The following FHIT variants were observed in gnomAD, a reference collection of about 807,000 sequenced individuals.
The protein encoded by FHIT is fragile histidine triad diadenosine triphosphatase.
In FHIT, 19 loss-of-function variants were observed where a neutral mutation model predicts 17.9. The ratio of observed to expected loss-of-function variants is 1.06; its 90% CI spans 0.74 to 1.56. FHIT has a LOEUF of 1.56. FHIT is among the 40% of genes most tolerant of loss of function. The probability of loss-of-function intolerance (pLI) is 0.00; values close to 1 mark genes in which losing one functional copy is unlikely to be tolerated. For synonymous variants in FHIT, 81 were observed against 69.7 expected (o/e 1.16, Z -0.81); for missense variants, 248 against 189.2 (o/e 1.31, Z -1.82).
At chr3:60,280,590 G>C (rs1412344093) in intron 5 of FHIT, among the ~76,000 whole-genome samples, 3 of 152,076 alleles carry the variant, frequency 2.0e-5, no homozygotes, top group African/African-American at 7.2e-5. Flanking sequence ...ACAACCCAAA[G>C]AATATATGGA....
chr3:60,366,331 G>T (rs560288036), intron 5 of FHIT, among the ~76,000 whole-genome samples: 8 of 152,044 alleles, frequency 5.3e-5, no homozygotes, highest in Admixed American at 4.6e-4. Flanking sequence ...CACCATGTTG[G>T]CCAGGCTGCT....
chr3:60,907,232 T>C (rs1706473970), intron 3 of FHIT, among the ~76,000 whole-genome samples: 1 of 152,172 alleles, frequency 6.6e-6, no homozygotes. Flanking sequence ...ATTATATGAC[T>C]CTGCTGTGAT....
intron 3 of FHIT, among the ~76,000 whole-genome samples, chr3:61,011,901 T>C (rs2107624736): frequency 1.3e-5 from 2 of 152,298 alleles, no homozygotes. Context: ...AGAAGTGAAA[T>C]GACAGGCATG....
At chr3:60,406,573 A>G (rs1701866626) in intron 5 of FHIT, among the ~76,000 whole-genome samples, 1 of 151,948 alleles carries the variant, frequency 6.6e-6, no homozygotes, top group Non-Finnish European at 1.5e-5. Flanking sequence ...TGTTTTGTGG[A>G]TCAAGTTAAT....
chr3:61,042,992 C>T (rs2033596293), intron 2 of FHIT, among the ~76,000 whole-genome samples: 1 of 152,126 alleles, frequency 6.6e-6, no homozygotes, highest in Non-Finnish European at 1.5e-5. Flanking sequence ...GGGAGAGGTT[C>T]CAAGATGGCC....
chr3:60,937,066 C>A (rs1708222937), intron 3 of FHIT, among the ~76,000 whole-genome samples: 1 of 152,160 alleles, frequency 6.6e-6, no homozygotes, highest in Non-Finnish European at 1.5e-5. Context: ...ATTCTGTAAG[C>A]AGGTTAGATG....
intron 5 of FHIT, among the ~76,000 whole-genome samples, chr3:60,257,265 T>C (rs982557481): frequency 1.3e-5 from 2 of 152,188 alleles, no homozygotes; most frequent in Non-Finnish European, 2.9e-5. Flanking sequence ...CATGTTTAGC[T>C]CCTAACAGAT....
chr3:60,309,105 C>T (rs1346728875), intron 5 of FHIT, among the ~76,000 whole-genome samples: 1 of 152,068 alleles, frequency 6.6e-6, no homozygotes, highest in South Asian at 2.1e-4. Context: ...TAAGTGATTG[C>T]TCTGTAGTTC....
intron 3 of FHIT, among the ~76,000 whole-genome samples, chr3:60,908,432 C>G (rs1198206977): frequency 2.0e-5 from 3 of 152,120 alleles, no homozygotes; most frequent in Admixed American, 6.5e-5. Context: ...ACCCCTGACA[C>G]AGTAGAAATT....
In FHIT at chr3:60,788,676, A is replaced by G. The variant is rs187753294; in HGVS notation, c.-18+33243T>C. Among the ~76,000 whole-genome samples, 14 of 152,248 alleles carry G rather than the reference A, an allele frequency of 9.2e-5. No homozygotes were observed. The East Asian group carries it at 2.5e-3, about 27-fold the overall frequency. On this transcript the variant is annotated intron_variant, in intron 4 of 9. Transcript: ENST00000492590. ...GAGACAGGGTGTTGACATTCACAGT[A>G]TAGCCTAAGTGAATATTCCTACTCC... is the stretch of plus-strand genomic sequence containing the variant.
chr3:60,496,791 G>A (rs2034317904), intron 5 of FHIT, among the ~76,000 whole-genome samples: 1 of 151,958 alleles, frequency 6.6e-6, no homozygotes, highest in Non-Finnish European at 1.5e-5. Flanking sequence ...CAATACAGGA[G>A]GTAAAAATGA....
At chr3:60,360,164 G>A (rs1486818999) in intron 5 of FHIT, among the ~76,000 whole-genome samples, 2 of 151,740 alleles carry the variant, frequency 1.3e-5, no homozygotes, top group African/African-American at 4.8e-5. Flanking sequence ...TAATATTTAT[G>A]ACCACAACTT....
chr3:60,957,399 G>GT (rs749634816), intron 3 of FHIT, among the ~76,000 whole-genome samples: 5 of 151,850 alleles, frequency 3.3e-5, no homozygotes, highest in Non-Finnish European at 7.4e-5. Context: ...CACCACACCT[G>GT]GCTAATTTAT....
At chr3:59,816,242 G>A (rs1428899750) in intron 8 of FHIT, among the ~76,000 whole-genome samples, 1 of 152,126 alleles carries the variant, frequency 6.6e-6, no homozygotes, top group Non-Finnish European at 1.5e-5. Context: ...GGCTTGTTGG[G>A]AGGATTCCAT....
At chr3:60,362,747 T>C (rs1340400698) in intron 5 of FHIT, among the ~76,000 whole-genome samples, 1 of 152,192 alleles carries the variant, frequency 6.6e-6, no homozygotes, top group East Asian at 1.9e-4. Context: ...TCTTCATCAA[T>C]AAAACGTGGA....
intron 5 of FHIT, among the ~76,000 whole-genome samples, chr3:60,289,664 C>T (rs753650619): frequency 9.9e-5 from 15 of 152,076 alleles, no homozygotes; most frequent in Non-Finnish European, 1.9e-4. Context: ...AAGCTAAAAC[C>T]TGAAGCTGAC....
chr3:59,835,143 A>G (rs1412057536), intron 8 of FHIT, among the ~76,000 whole-genome samples: 1 of 152,164 alleles, frequency 6.6e-6, no homozygotes, highest in Non-Finnish European at 1.5e-5. Context: ...GATTATATGG[A>G]TCAAAGGCCC....
chr3:60,087,195 C>T (rs72880845), intron 5 of FHIT, among the ~76,000 whole-genome samples: 8,194 of 152,250 alleles, frequency 0.054, 361 homozygotes, highest in African/African-American at 0.11. Context: ...GGAGCAACAT[C>T]CAGAGGCAGC....
intron 2 of FHIT, among the ~76,000 whole-genome samples, chr3:61,087,112 T>C (rs555519613): frequency 2.0e-5 from 3 of 152,266 alleles, no homozygotes; most frequent in African/African-American, 7.2e-5. Flanking sequence ...CAATGTCACC[T>C]CTTCAAAGAG....
Sources: gnomAD v4.1 joint callset for allele counts (sites outside exome capture counted in the v4.1 genomes callset) on GRCh38, gnomAD v4.1.1 for gene constraint, MANE v1.5 for transcripts, NCBI Gene and HGNC (gene_info 2026-07-23, HGNC 2026-07-21) for gene names.